The following CSMD1 variants were observed in gnomAD, a reference collection of about 807,000 sequenced individuals.
CSMD1 encodes the protein CUB and sushi domain-containing protein 1.
Under a neutral mutation model 417.5 loss-of-function variants are expected in CSMD1, and 213 were observed. The observed-to-expected ratio is 0.51, with a 90% CI of 0.46 to 0.57. The LOEUF (loss-of-function observed/expected upper bound fraction) is 0.57, where lower values mean the gene tolerates loss of function less well. Ranked by LOEUF, CSMD1 falls within the 20% of genes least tolerant of loss-of-function variation. The pLI, the probability that CSMD1 is intolerant of heterozygous loss-of-function variation, is 0.00. For missense variants in CSMD1, 6,923 were observed against 4,529.7 expected, an observed-to-expected ratio of 1.53 and a Z score of -15.17; for synonymous variants, 2,862 against 1,736.8, an observed-to-expected ratio of 1.65 and a Z score of -16.11.
intron 3 of CSMD1, among the ~76,000 whole-genome samples, chr8:4,044,300 A>T (rs536544738): frequency 6.6e-6 from 1 of 152,240 alleles, no homozygotes; most frequent in Non-Finnish European, 1.5e-5. Context: ...CAGAGAAATC[A>T]TCTCTGAAAA....
intron 3 of CSMD1, among the ~76,000 whole-genome samples, chr8:4,397,906 AT>A (rs1279860314): frequency 2.6e-5 from 4 of 152,144 alleles, no homozygotes; most frequent in African/African-American, 9.7e-5. Context: ...AATTGTCACA[AT>A]TTTAAGCTTG....
chr8:4,014,902 A>T (rs1796447373), intron 4 of CSMD1, among the ~76,000 whole-genome samples: 1 of 152,200 alleles, frequency 6.6e-6, no homozygotes, highest in South Asian at 2.1e-4. Flanking sequence ...GGGCAGAGCC[A>T]CTTCTGATTA....
chr8:3,959,126 C>G (rs1316611023), intron 5 of CSMD1, among the ~76,000 whole-genome samples: 1 of 152,150 alleles, frequency 6.6e-6, no homozygotes, highest in African/African-American at 2.4e-5. Context: ...ATATCGCACA[C>G]CAGTCTTTAC....
chr8:4,202,623 A>G (rs2131260377), intron 3 of CSMD1, among the ~76,000 whole-genome samples: 1 of 152,324 alleles, frequency 6.6e-6, no homozygotes, highest in Non-Finnish European at 1.5e-5. Flanking sequence ...ATCATGGTGG[A>G]TATTGTAAAT....
At chr8:3,786,312 A>G (rs982716440) in intron 5 of CSMD1, among the ~76,000 whole-genome samples, 2 of 152,076 alleles carry the variant, frequency 1.3e-5, no homozygotes, top group Admixed American at 6.5e-5. Context: ...GGAGACAAAA[A>G]TCCTCTGTCT....
chr8:4,444,211 A>T (rs868793580), intron 2 of CSMD1, among the ~76,000 whole-genome samples: 2 of 151,834 alleles, frequency 1.3e-5, no homozygotes, highest in South Asian at 2.1e-4. Context: ...GCATGGTGGC[A>T]CAGACCTGTG....
chr8:2,982,415 T>C (rs1439408911), intron 54 of CSMD1, among the ~76,000 whole-genome samples: 1 of 152,182 alleles, frequency 6.6e-6, no homozygotes, highest in African/African-American at 2.4e-5. Context: ...TATTGTTTAT[T>C]CTCTTTCAAA....
chr8:4,672,007 G>A (rs1211154620), intron 1 of CSMD1, among the ~76,000 whole-genome samples: 1 of 152,166 alleles, frequency 6.6e-6, no homozygotes, highest in Non-Finnish European at 1.5e-5. Context: ...TGGTTTGGGT[G>A]GCTTACTGAG....
At chr8:3,669,278 T>A (rs775219022) in intron 7 of CSMD1, among the ~76,000 whole-genome samples, 1 of 152,210 alleles carries the variant, frequency 6.6e-6, no homozygotes, top group Non-Finnish European at 1.5e-5. Context: ...CTGTGTTTTC[T>A]CATCTGTCAT....
At chr8:3,675,621 G>A (rs959845328) in intron 7 of CSMD1, among the ~76,000 whole-genome samples, 6 of 152,064 alleles carry the variant, frequency 3.9e-5, no homozygotes, top group African/African-American at 9.7e-5. Flanking sequence ...ACCCTTATAA[G>A]GAAAGGAGGA....
chr8:4,117,094 C>T (rs573970701), intron 3 of CSMD1, among the ~76,000 whole-genome samples: 11 of 151,904 alleles, frequency 7.2e-5, no homozygotes, highest in African/African-American at 2.4e-4. Context: ...ACTCCCTTTT[C>T]CCCCTTGAGC....
intron 69 of CSMD1, among the ~76,000 whole-genome samples, chr8:2,939,153 C>A (rs1197151245): frequency 6.6e-6 from 1 of 152,098 alleles, no homozygotes; most frequent in African/African-American, 2.4e-5. Context: ...TCGGGAAGGT[C>A]CCAAAGGCTG....
intron 2 of CSMD1, among the ~76,000 whole-genome samples, chr8:4,487,681 TAA>T (rs1801487440): frequency 6.6e-6 from 1 of 152,160 alleles, no homozygotes; most frequent in Non-Finnish European, 1.5e-5. Context: ...GTAAAATAAT[TAA>T]GTCCATTTAA....
chr8:3,950,780 A>G (rs559804188), intron 5 of CSMD1, among the ~76,000 whole-genome samples: 1 of 152,202 alleles, frequency 6.6e-6, no homozygotes, highest in African/African-American at 2.4e-5. Flanking sequence ...CAAACAGTAC[A>G]TGGTATAAAC....
chr8:3,919,903 A>AT (rs1035351278), intron 5 of CSMD1, among the ~76,000 whole-genome samples: 10 of 151,996 alleles, frequency 6.6e-5, no homozygotes, highest in Middle Eastern at 3.4e-3. Flanking sequence ...TCAAAATGAG[A>AT]TTTTTTTGGG....
At chr8:3,983,443 T>A (rs1388821399) in intron 5 of CSMD1, among the ~76,000 whole-genome samples, 6 of 152,154 alleles carry the variant, frequency 3.9e-5, no homozygotes, top group African/African-American at 1.4e-4. Context: ...GCCTCCCACA[T>A]CTAAAATTAC....
At chr8:4,030,111 T>C (rs535356740) in intron 4 of CSMD1, among the ~76,000 whole-genome samples, 1 of 152,320 alleles carries the variant, frequency 6.6e-6, no homozygotes, top group East Asian at 1.9e-4. Context: ...CTGTTAACTG[T>C]CTGCAGCTTT....
chr8:4,490,371 T>G (rs1211931763), intron 2 of CSMD1, among the ~76,000 whole-genome samples: 1 of 152,230 alleles, frequency 6.6e-6, no homozygotes, highest in African/African-American at 2.4e-5. Context: ...CATTGCTTAA[T>G]GTCCCCTAAC....
intron 1 of CSMD1, among the ~76,000 whole-genome samples, chr8:4,814,874 T>C (rs894127269): frequency 2.0e-5 from 3 of 152,236 alleles, no homozygotes; most frequent in Admixed American, 6.5e-5. Flanking sequence ...TATTAGCTCA[T>C]ATTTCACTGA....
Sources: allele counts gnomAD v4.1 joint callset (sites outside exome capture counted in the v4.1 genomes callset), GRCh38; gene constraint gnomAD v4.1.1; transcripts MANE v1.5; gene names NCBI Gene and HGNC (gene_info 2026-07-23, HGNC 2026-07-21).